Variants in FHIT observed in about 807,000 individuals in gnomAD.
FHIT encodes bis(5'-adenosyl)-triphosphatase.
Under a neutral mutation model 17.9 loss-of-function variants are expected in FHIT, and 19 were observed. The observed-to-expected ratio is 1.06, with a 90% CI of 0.74 to 1.56. The LOEUF (loss-of-function observed/expected upper bound fraction) is 1.56, where lower values mean the gene tolerates loss of function less well. Ranked by LOEUF, FHIT falls within the 40% of genes most tolerant of loss-of-function variation. The probability of loss-of-function intolerance (pLI) is 0.00; values close to 1 mark genes in which losing one functional copy is unlikely to be tolerated. For synonymous variants in FHIT, 81 were observed against 69.7 expected, an observed-to-expected ratio of 1.16 and a Z score of -0.81; for missense variants, 248 against 189.2, an observed-to-expected ratio of 1.31 and a Z score of -1.82.
intron 3 of FHIT, among the ~76,000 whole-genome samples, chr3:60,970,448 T>C (rs1413560915): frequency 6.6e-6 from 1 of 152,180 alleles, no homozygotes; most frequent in East Asian, 1.9e-4. Flanking sequence ...GTATTTAGTG[T>C]TTTGTATTAA....
At chr3:60,296,979 C>G (rs954117703) in intron 5 of FHIT, among the ~76,000 whole-genome samples, 1 of 148,480 alleles carries the variant, frequency 6.7e-6, no homozygotes, top group Non-Finnish European at 1.5e-5. Context: ...TCTGGGTTCT[C>G]TATTCTGTTG....
intron 5 of FHIT, among the ~76,000 whole-genome samples, chr3:60,258,563 G>A (rs944934710): frequency 3.7e-5 from 5 of 135,984 alleles, no homozygotes; most frequent in African/African-American, 1.2e-4. Flanking sequence ...ATATTAAATT[G>A]TGATAGTAGT....
intron 5 of FHIT, among the ~76,000 whole-genome samples, chr3:60,446,594 C>T (rs191264878): frequency 2.1e-4 from 32 of 152,176 alleles, no homozygotes; most frequent in African/African-American, 7.5e-4. Flanking sequence ...GTGGCTCACA[C>T]CTGTGATCCC....
At chr3:60,789,175 T>TATATATATATATAG (rs1433649739) in intron 4 of FHIT, among the ~76,000 whole-genome samples, 6 of 102,636 alleles carry the variant, frequency 5.8e-5, no homozygotes, top group African/African-American at 1.7e-4. Context: ...TATATATATA[T>TATATATATATATAG]AGAGAGAGAG....
intron 5 of FHIT, among the ~76,000 whole-genome samples, chr3:60,467,622 A>C (rs989838286): frequency 2.0e-5 from 3 of 152,016 alleles, no homozygotes; most frequent in African/African-American, 7.2e-5. Context: ...ATGTGTTTGT[A>C]TAATTTCCAA....
At chr3:60,645,446 T>G (rs2039832423) in intron 4 of FHIT, among the ~76,000 whole-genome samples, 3 of 152,184 alleles carry the variant, frequency 2.0e-5, no homozygotes, top group African/African-American at 7.2e-5. Flanking sequence ...AGCTTTCTGA[T>G]TAGTCCTCTT....
rs112461352 is a variant in FHIT, at chr3:61,088,085, T to C, written c.-163-45986A>G. ...TTCAAAATTCTTAGAAGAGAGAATC[T>C]GATTGGCATAATCAGATACCTAGCC... On this transcript the variant is annotated intron_variant, in intron 2 of 9. Coordinates refer to ENST00000492590, the MANE Select transcript of FHIT (RefSeq NM_002012.4). Among the ~76,000 whole-genome samples, 956 of 152,292 alleles carry C rather than the reference T, an allele frequency of 6.3e-3. 10 individuals carry two copies. Among genetic ancestry groups the C allele is most frequent in the African/African-American group, 0.022 (920 of 41,562 alleles).
intron 5 of FHIT, among the ~76,000 whole-genome samples, chr3:60,082,763 G>T (rs890153253): frequency 9.9e-5 from 15 of 152,036 alleles, no homozygotes; most frequent in Non-Finnish European, 2.1e-4. Flanking sequence ...TTTGCTGCTT[G>T]TATGTGTTGT....
chr3:60,359,639 G>A (rs1337718023), intron 5 of FHIT, among the ~76,000 whole-genome samples: 2 of 152,146 alleles, frequency 1.3e-5, no homozygotes, highest in East Asian at 3.8e-4. Context: ...ACCAGAGCAA[G>A]CCAAACACCA....
chr3:59,810,805 G>A (rs1332284912), intron 8 of FHIT, among the ~76,000 whole-genome samples: 1 of 152,186 alleles, frequency 6.6e-6, no homozygotes, highest in Admixed American at 6.5e-5. Context: ...AAGCTAATTA[G>A]TAGCTTTGGT....
intron 3 of FHIT, among the ~76,000 whole-genome samples, chr3:60,936,987 T>G (rs1330827545): frequency 8.6e-6 from 1 of 116,274 alleles, no homozygotes; most frequent in Non-Finnish European, 1.8e-5. Flanking sequence ...CAAAGGGATG[T>G]AATCAACACT....
chr3:61,051,795 G>A (rs2034038380), intron 2 of FHIT, among the ~76,000 whole-genome samples: 1 of 152,122 alleles, frequency 6.6e-6, no homozygotes, highest in African/African-American at 2.4e-5. Context: ...ACTCTATCAA[G>A]AAGTTGTGTG....
intron 5 of FHIT, among the ~76,000 whole-genome samples, chr3:60,181,484 T>C (rs557219521): frequency 2.8e-4 from 43 of 152,216 alleles, no homozygotes; most frequent in African/African-American, 9.6e-4. Flanking sequence ...GATGGGAACA[T>C]CTAGGTTCAA....
intron 3 of FHIT, among the ~76,000 whole-genome samples, chr3:61,014,903 T>C (rs2032022166): frequency 1.4e-5 from 2 of 148,048 alleles, no homozygotes; most frequent in South Asian, 4.2e-4. Context: ...TACATCCATA[T>C]ACATATATAT....
intron 5 of FHIT, among the ~76,000 whole-genome samples, chr3:60,377,985 C>G (rs182011900): frequency 2.4e-4 from 37 of 152,214 alleles, no homozygotes; most frequent in African/African-American, 7.7e-4. Context: ...TTGTAATGTT[C>G]TGAAACACAT....
intron 3 of FHIT, among the ~76,000 whole-genome samples, chr3:60,877,184 C>G (rs1575631843): frequency 6.6e-6 from 1 of 152,196 alleles, no homozygotes; most frequent in East Asian, 1.9e-4. Context: ...GCTATATCAT[C>G]TTAGAACTGG....
rs1245606241 is a variant in FHIT at position 60,860,378 on chromosome 3, CATGACATACATCATATGTATAT to C, written c.-110-38389_-110-38368del. Among the ~76,000 whole-genome samples, 298 of 141,910 alleles carry C rather than the reference CATGACATACATCATATGTATAT, an allele frequency of 2.1e-3. 43 individuals are homozygous for C. Among genetic ancestry groups the C allele is most frequent in the African/African-American group, 5.4e-3 (189 of 34,944 alleles). The allele number at this position is 141,910 out of a possible 152,430, so 93.1% of individuals were successfully genotyped here. On this transcript the variant is annotated intron_variant, in intron 3 of 9. Coordinates refer to ENST00000492590, the MANE Select transcript of FHIT (RefSeq NM_002012.4). Reference sequence around the variant, plus strand: ...ATACATGACATACATCATATGTATACATGACATACATCATATGTATATATGACATACATCATATGTATATATG... The same window carrying C: ...ATACATGACATACATCATATGTATACATGACATACATCATATGTATATATG...
intron 3 of FHIT, among the ~76,000 whole-genome samples, chr3:61,010,945 T>A (rs1311990263): frequency 6.6e-6 from 1 of 152,198 alleles, no homozygotes; most frequent in Non-Finnish European, 1.5e-5. Context: ...TGATATATTG[T>A]TGTTATAATT....
rs116979597 is a variant in FHIT, at chr3:60,691,616, A to T, written c.-18+130303T>A. Among the ~76,000 whole-genome samples, 166 of 152,132 alleles carry T rather than the reference A, an allele frequency of 1.1e-3. 3 individuals carry two copies. The East Asian group carries it at 0.025, about 23-fold the overall frequency. Reference sequence around the variant, plus strand: ...TCCTGGGCTTGAGCAATCTGCCTGCATTGTCTCCCAAAGTGCTGAGATTAC... The same window carrying T: ...TCCTGGGCTTGAGCAATCTGCCTGCTTTGTCTCCCAAAGTGCTGAGATTAC... On this transcript the variant is annotated intron_variant, in intron 4 of 9. Transcript: ENST00000492590.
Sources: gnomAD v4.1 joint callset for allele counts (sites outside exome capture counted in the v4.1 genomes callset) on GRCh38, gnomAD v4.1.1 for gene constraint, MANE v1.5 for transcripts, NCBI Gene and HGNC (gene_info 2026-07-23, HGNC 2026-07-21) for gene names.